Variants in DSE observed in about 807,000 individuals in gnomAD.
DSE encodes the protein dermatan-sulfate epimerase.
A neutral mutation model predicts 84.4 loss-of-function variants in DSE; 36 were observed. The ratio of observed to expected loss-of-function variants is 0.43; its 90% confidence interval spans 0.33 to 0.56. The LOEUF (loss-of-function observed/expected upper bound fraction) is 0.56, where lower values mean the gene tolerates loss of function less well. Among genes scored for constraint, DSE ranks in the 20% least tolerant of loss-of-function variants. The pLI is 0.06. For synonymous variants in DSE, 410 were observed against 430.1 expected (o/e 0.95, Z 0.58); for missense variants, 862 against 1,169.6 (o/e 0.74, Z 3.84).
At chr6:116,270,979 A>G (rs1038810776) in intron 2 of DSE, among the ~76,000 whole-genome samples, 3 of 152,222 alleles carry the variant, frequency 2.0e-5, no homozygotes, top group Admixed American at 6.5e-5. Flanking sequence ...GAAGTTACTG[A>G]TATATCTAAT....
Position 116,426,431 on chromosome 6 carries a change from G to A in DSE, c.417-143G>A. 3 of 1,031,986 alleles carry A rather than the reference G, an allele frequency of 2.9e-6. No individual in the cohort carries two copies. The South Asian group carries it at 6.2e-5, about 21-fold the overall frequency. 63.9% of individuals were successfully genotyped at this position (1,031,986 alleles called of 1,614,324 possible). ...CAAACTTTACGCTTGTTTCTAATGT[G>A]GAGGGAAGTCAGTTGTGTGTCATTA... On this transcript the variant is annotated intron_variant, in intron 2 of 5. Coordinates refer to ENST00000644252, the MANE Select transcript of DSE (RefSeq NM_013352.4).
chr6:116,387,456 C>G (rs1258425187), intron 1 of DSE, among the ~76,000 whole-genome samples: 1 of 152,120 alleles, frequency 6.6e-6, no homozygotes, highest in Non-Finnish European at 1.5e-5. Context: ...TAAATGAGCA[C>G]CTTAGACGGC....
intron 3 of DSE, among the ~76,000 whole-genome samples, chr6:116,429,901 G>A (rs1783704669): frequency 1.4e-4 from 2 of 14,570 alleles, no homozygotes; most frequent in East Asian, 1.2e-3. Context: ...GCAGTGAGCC[G>A]AGATTGCGCC....
chr6:116,285,882 C>A (rs1217845799), intron 2 of DSE, among the ~76,000 whole-genome samples: 1 of 152,096 alleles, frequency 6.6e-6, no homozygotes, highest in East Asian at 1.9e-4. Context: ...TGGTCTATAT[C>A]TCTGTTTTGG....
intron 2 of DSE, among the ~76,000 whole-genome samples, chr6:116,274,148 C>T (rs372265767): frequency 2.6e-5 from 4 of 151,934 alleles, no homozygotes; most frequent in Non-Finnish European, 4.4e-5. Flanking sequence ...AAGTAGTACG[C>T]GTTCATTGAA....
At chr6:116,432,756 A>C (rs1193414993) in intron 4 of DSE, 1 of 152,220 alleles carries the variant, frequency 6.6e-6, no homozygotes, top group African/African-American at 2.4e-5. Flanking sequence ...CTATTCCAAA[A>C]ATGATATATG....
chr6:116,342,973 G>A (rs1777704293), intron 2 of DSE, among the ~76,000 whole-genome samples: 1 of 152,180 alleles, frequency 6.6e-6, no homozygotes, highest in Non-Finnish European at 1.5e-5. Flanking sequence ...AATGGTCTTA[G>A]CAAATGGCAC....
At chr6:116,323,930 GC>G (rs1776473136) in intron 2 of DSE, among the ~76,000 whole-genome samples, 1 of 151,900 alleles carries the variant, frequency 6.6e-6, no homozygotes, top group Non-Finnish European at 1.5e-5. Flanking sequence ...ATTTTTAATG[GC>G]TGATTTATCC....
At chr6:116,356,804 A>G (rs1006436323) in intron 2 of DSE, among the ~76,000 whole-genome samples, 19 of 152,136 alleles carry the variant, frequency 1.2e-4, no homozygotes, top group Admixed American at 2.6e-4. Flanking sequence ...CAGTAGCCAC[A>G]CTGAGTGTTT....
chr6:116,410,733 CAAAAAA>C (rs765969508), intron 2 of DSE, among the ~76,000 whole-genome samples: 48 of 79,586 alleles, frequency 6.0e-4, no homozygotes, highest in Admixed American at 1.3e-3. Context: ...GACTCTGTCT[CAAAAAA>C]AAAAAAAAAA....
intron 1 of DSE, among the ~76,000 whole-genome samples, chr6:116,371,372 C>A (rs530004965): frequency 7.2e-5 from 11 of 152,304 alleles, no homozygotes; most frequent in Non-Finnish European, 1.2e-4. Context: ...GGCAGCTTTT[C>A]GATCCTCCCC....
chr6:116,296,445 G>A lies in DSE; in HGVS notation c.-54+37478G>A, dbSNP rs536312372. On this transcript the variant is annotated intron_variant, in intron 2 of 3. Coordinates refer to the DSE transcript ENST00000430252. ...CTATTAGGAGTTTATATTTTGATGC[G>A]AGGAGAAAGATAATAAATATGAAAA... Among the ~76,000 whole-genome samples, 10 of 152,226 alleles carry A rather than the reference G, an allele frequency of 6.6e-5. No individual in the cohort carries two copies. In the South Asian group the frequency reaches 1.7e-3, roughly 25 times the overall value.
chr6:116,326,480 A>G (rs1034918301), intron 2 of DSE, among the ~76,000 whole-genome samples: 1 of 152,200 alleles, frequency 6.6e-6, no homozygotes, highest in Non-Finnish European at 1.5e-5. Context: ...TAAGATTTAA[A>G]TGATGCCAAC....
intron 2 of DSE, among the ~76,000 whole-genome samples, chr6:116,302,002 A>G (rs952907121): frequency 9.2e-5 from 14 of 152,160 alleles, no homozygotes; most frequent in Middle Eastern, 3.2e-3. Context: ...TCCATGATGT[A>G]TATGTGCCAC....
chr6:116,414,211 TTCCTTCTGGAGGC>T (rs1782558824), intron 2 of DSE, among the ~76,000 whole-genome samples: 2 of 152,224 alleles, frequency 1.3e-5, no homozygotes, highest in African/African-American at 4.8e-5. Context: ...ATAGGCTTCA[TTCCTTCTGGAGGC>T]TCTCTGAAGG....
chr6:116,254,719 T>C (rs1418547366), intron 1 of DSE: 1 of 155,268 alleles, frequency 6.4e-6, no homozygotes, highest in Non-Finnish European at 1.4e-5. Context: ...AGTAGCAAAA[T>C]GTTTTTCCTT....
Position 116,436,804 on chromosome 6 carries a change from G to A in DSE, c.2336G>A (p.Arg779Lys), listed in dbSNP as rs575726053. The A allele has an allele frequency of 8.7e-6, 14 of 1,614,162 alleles. 1 individual carries two copies. The South Asian group carries it at 1.5e-4, about 18-fold the overall frequency. The stretch of plus-strand genomic sequence containing the variant: ...AGGAAGACTGCTGAACGCCTGCTGA[G>A]ATTTTCAGATAAGAGACAGACTGAG... ...SFRKTAERLL[R>K]FSDKRQTEEA... is the part of the protein sequence containing the mutation. Residue 779 changes from arginine (R) to lysine (K), a missense_variant, in exon 6 of 6, where the codon AGA becomes AAA. Coordinates refer to ENST00000644252, the MANE Select transcript of DSE (RefSeq NM_013352.4).
At chr6:116,352,486 A>G (rs2114854910) in intron 2 of DSE, among the ~76,000 whole-genome samples, 1 of 152,332 alleles carries the variant, frequency 6.6e-6, no homozygotes, top group Non-Finnish European at 1.5e-5. Context: ...TAGACTCTGA[A>G]TGGAGGCTAG....
chr6:116,315,765 G>A (rs1775936336), intron 2 of DSE, among the ~76,000 whole-genome samples: 1 of 152,236 alleles, frequency 6.6e-6, no homozygotes. Context: ...ACTTTGGGAG[G>A]ACGAGGCAGG....
Sources: allele counts gnomAD v4.1 joint callset (sites outside exome capture counted in the v4.1 genomes callset), GRCh38; gene constraint gnomAD v4.1.1; transcripts MANE v1.5; gene names NCBI Gene and HGNC (gene_info 2026-07-23, HGNC 2026-07-21).